Variants in MKRN2 observed in about 807,000 individuals in gnomAD.
MKRN2 encodes makorin ring finger protein 2.
A neutral mutation model predicts 45.4 loss-of-function variants in MKRN2; 32 were observed. The ratio of observed to expected loss-of-function variants is 0.70; its 90% CI spans 0.53 to 0.95. MKRN2 has a LOEUF of 0.95. Ranked by LOEUF, MKRN2 falls within the 40% of genes least tolerant of loss-of-function variation. MKRN2 has a pLI of 0.00. For synonymous variants in MKRN2, 206 were observed against 192.4 expected, an observed-to-expected ratio of 1.07 and a Z score of -0.59; for missense variants, 526 against 536.7, an observed-to-expected ratio of 0.98 and a Z score of 0.20.
rs1287333566 is a variant in MKRN2, at chr3:12,574,839, C to T, written c.690C>T (p.Phe230=). The change falls in exon 5 of 8, where the codon TTC becomes TTT. Residue 230 remains phenylalanine, a synonymous_variant. Transcript: ENST00000170447. ...ACGAGATGGAAAAGGCCTTTGCCTTCCAGGCAAGCCAGGACAAAGTGTGCA... is the reference window on the plus strand; with the variant it reads ...ACGAGATGGAAAAGGCCTTTGCCTTTCAGGCAAGCCAGGACAAAGTGTGCA... ...FEHEMEKAFA[F]QASQDKVCSI... The T allele has an allele frequency of 1.2e-6, 2 of 1,614,186 alleles. No homozygotes were observed. Among genetic ancestry groups the T allele is most frequent in the Non-Finnish European group, 1.7e-6 (2 of 1,180,040 alleles).
At chr3:12,557,239 G>T in intron 1 of MKRN2, 63 bp downstream of exon 1, 1 of 1,512,438 alleles carries the variant, frequency 6.6e-7, no homozygotes. Flanking sequence ...GCCGGTGCGC[G>T]CCAGTGCTGT....
rs1029330858 is a variant in MKRN2 at position 12,574,777 on chromosome 3, C to T, written c.643-15C>T. ...TGGCCCACAACCAAAGCCTTCCTTC[C>T]TGTCTGTGCTTCAGATCTGCATGTT... On this transcript the variant is annotated splice_polypyrimidine_tract_variant and intron_variant, in intron 4 of 7. Transcript: ENST00000170447. 3 of 1,608,292 alleles carry T rather than the reference C, an allele frequency of 1.9e-6. No homozygotes were observed. Among genetic ancestry groups the T allele is most frequent in the Non-Finnish European group, 2.6e-6 (3 of 1,176,180 alleles).
rs750325629 is a variant in MKRN2 at position 12,582,242 on chromosome 3, T to A, written c.1240T>A (p.Ser414Thr). ...CATGCACCTTTCTGGAGTGGAATCA[T>A]CAGAACCCTAAAGAGTAGATGGTTG... ...LFMHLSGVESSEP is the reference protein window; with the variant it reads ...LFMHLSGVESTEP Residue 414 changes from serine (S) to threonine (T), a missense_variant, in exon 8 of 8, where the codon TCA (serine) becomes ACA (threonine). Physicochemically the swap from Ser to Thr is moderately conservative, Grantham distance 58. Transcript: ENST00000170447. The A allele has an allele frequency of 5.0e-6, 8 of 1,614,084 alleles. No individual in the cohort carries two copies. Among genetic ancestry groups the A allele is most frequent in the South Asian group, 1.1e-5 (1 of 91,080 alleles).
chr3:12,573,602 A>G (rs1575520957), intron 4 of MKRN2, among the ~76,000 whole-genome samples: 1 of 152,210 alleles, frequency 6.6e-6, no homozygotes, highest in East Asian at 1.9e-4. Context: ...TTAAAATTTT[A>G]TTTTATTTTG....
At chr3:12,569,248 G>A (rs1410840636) in intron 2 of MKRN2, among the ~76,000 whole-genome samples, 12 of 95,744 alleles carry the variant, frequency 1.3e-4, no homozygotes, top group Non-Finnish European at 1.9e-5. Flanking sequence ...TGCAACCTCC[G>A]CCTCCAGGGT....
chr3:12,576,026 A>G (rs754234590), intron 5 of MKRN2, among the ~76,000 whole-genome samples: 1 of 152,156 alleles, frequency 6.6e-6, no homozygotes, highest in Non-Finnish European at 1.5e-5. Flanking sequence ...TCTCTTGGGT[A>G]TACACCTGGG....
At position 12,574,836 on chromosome 3, in the gene MKRN2, C is replaced by T. The variant is rs1356112393; in HGVS notation, c.687C>T (p.Ala229=). The change falls in exon 5 of 8, where the codon GCC becomes GCT. Residue 229 remains alanine, a synonymous_variant. Transcript: ENST00000170447. ...TFEHEMEKAF[A]FQASQDKVCS... is the part of the protein sequence containing the mutation. ...AACACGAGATGGAAAAGGCCTTTGC[C>T]TTCCAGGCAAGCCAGGACAAAGTGT... is the stretch of plus-strand genomic sequence containing the variant. 4 of 1,614,172 alleles carry T rather than the reference C, an allele frequency of 2.5e-6. No individual in the cohort carries two copies. The highest frequency in any genetic ancestry group is 3.3e-5 in the Admixed American group (2 of 60,030).
chr3:12,557,541 G>T (rs2057989106), intron 1 of MKRN2, among the ~76,000 whole-genome samples: 1 of 152,258 alleles, frequency 6.6e-6, no homozygotes, highest in Non-Finnish European at 1.5e-5. Context: ...GTAAAGGGAC[G>T]CCGAGAGGAC....
intron 6 of MKRN2, 192 bp downstream of exon 6, chr3:12,576,933 G>GTTTTTGTTT (rs56380121): frequency 3.8e-3 from 210 of 55,830 alleles, no homozygotes; most frequent in Middle Eastern, 0.019. Flanking sequence ...TAGTTTTGGT[G>GTTTTTGTTT]TTTTTTTTTT....
chr3:12,582,326 C>T lies in MKRN2; in HGVS notation c.*73C>T, dbSNP rs576917346. The T allele has an allele frequency of 1.3e-6, 2 of 1,581,630 alleles. No homozygotes were observed. The highest frequency in any genetic ancestry group is 1.7e-6 in the Non-Finnish European group (2 of 1,156,572). On this transcript the variant is annotated 3_prime_UTR_variant, in exon 8 of 8. Transcript: ENST00000170447. Reference sequence around the variant, plus strand: ...CCCAAGCCAGGGTGTGCGGAGCTTCCCTGTACTGCAGCCAAGGTGACGTGT... The same window carrying T: ...CCCAAGCCAGGGTGTGCGGAGCTTCTCTGTACTGCAGCCAAGGTGACGTGT...
At chr3:12,578,785 A>G (rs1172989650) in intron 6 of MKRN2, among the ~76,000 whole-genome samples, 1 of 151,622 alleles carries the variant, frequency 6.6e-6, no homozygotes, top group African/African-American at 2.4e-5. Context: ...TTTACTTGTC[A>G]TACTAAAAGT....
chr3:12,572,605 T>TTA (rs1553608395), intron 4 of MKRN2, among the ~76,000 whole-genome samples: 13 of 151,754 alleles, frequency 8.6e-5, no homozygotes, highest in African/African-American at 3.1e-4. Context: ...TTTTTTTTTT[T>TTA]AATGGAGTCT....
intron 6 of MKRN2, among the ~76,000 whole-genome samples, chr3:12,579,912 C>T (rs1038024585): frequency 1.3e-5 from 2 of 151,814 alleles, no homozygotes; most frequent in Admixed American, 1.3e-4. Flanking sequence ...AGGGAGACCT[C>T]ATCTCTTTAA....
intron 1 of MKRN2, among the ~76,000 whole-genome samples, chr3:12,566,228 C>T (rs12107015): frequency 0.013 from 1,975 of 152,276 alleles, 37 homozygotes; most frequent in African/African-American, 0.045. Context: ...GTTCTACTCC[C>T]AGTACCAAGA....
At chr3:12,565,076 T>A (rs2058061460) in intron 1 of MKRN2, among the ~76,000 whole-genome samples, 1 of 152,264 alleles carries the variant, frequency 6.6e-6, no homozygotes, top group Non-Finnish European at 1.5e-5. Flanking sequence ...ATAGTGCTGC[T>A]TTGGACATTC....
chr3:12,565,302 C>T (rs557405010), intron 1 of MKRN2, among the ~76,000 whole-genome samples: 4 of 152,168 alleles, frequency 2.6e-5, no homozygotes, highest in East Asian at 1.9e-4. Flanking sequence ...GTTGTTTTCT[C>T]GAGATGTCTT....
intron 1 of MKRN2, among the ~76,000 whole-genome samples, chr3:12,562,401 G>T (rs2454422): frequency 6.6e-6 from 1 of 152,092 alleles, no homozygotes; most frequent in Admixed American, 6.5e-5. Flanking sequence ...CACATCTGCT[G>T]TGTAACTCTC....
chr3:12,561,473 C>G (rs867275944), intron 1 of MKRN2, among the ~76,000 whole-genome samples: 13 of 152,222 alleles, frequency 8.5e-5, no homozygotes, highest in Non-Finnish European at 1.9e-4. Flanking sequence ...ATTTTCTGTT[C>G]TAATTGCTTC....
Position 12,569,045 on chromosome 3 carries a change from A to G in MKRN2, c.155+42A>G, listed in dbSNP as rs538845234. 10 of 1,587,294 alleles carry G rather than the reference A, an allele frequency of 6.3e-6. No homozygotes were observed. The South Asian group carries it at 1.2e-4, about 18-fold the overall frequency. ...AGATTCCAGCTGTGACACTGATTTC[A>G]TTTGGAGAATGGGTCTTGATAAGGG... is the stretch of plus-strand genomic sequence containing the variant. On this transcript the variant is annotated intron_variant, in intron 2 of 7. Coordinates refer to ENST00000170447, the MANE Select transcript of MKRN2 (RefSeq NM_014160.5).
Sources: gnomAD v4.1 joint callset for allele counts (sites outside exome capture counted in the v4.1 genomes callset) on GRCh38, gnomAD v4.1.1 for gene constraint, MANE v1.5 for transcripts, NCBI Gene and HGNC (gene_info 2026-07-23, HGNC 2026-07-21) for gene names.